The following TRPM3 variants were observed in gnomAD, a reference collection of about 807,000 sequenced individuals.
TRPM3 encodes long transient receptor potential channel 3.
TRPM3 carries 77 observed loss-of-function variants against 181.2 expected under a neutral mutation model. That is an observed-to-expected ratio of 0.42 (90% confidence interval 0.35 to 0.51). The LOEUF (loss-of-function observed/expected upper bound fraction) is 0.51, where lower values mean the gene tolerates loss of function less well. Among genes scored for constraint, TRPM3 ranks in the 20% least tolerant of loss-of-function variants. TRPM3 has a pLI of 0.01. For missense variants in TRPM3, 1,759 were observed against 2,196.7 expected, an observed-to-expected ratio of 0.80 and a Z score of 3.98; for synonymous variants, 745 against 796.4, an observed-to-expected ratio of 0.94 and a Z score of 1.09.
At chr9:71,331,875 A>AGGAGGAGG in intron 1 of TRPM3, among the ~76,000 whole-genome samples, 3 of 36,108 alleles carry the variant, frequency 8.3e-5, no homozygotes, top group African/African-American at 2.2e-4. Flanking sequence ...GAGGAGGAAG[A>AGGAGGAGG]AAGAGGAGGA....
intron 1 of TRPM3, among the ~76,000 whole-genome samples, chr9:71,407,698 C>T (rs1456022599): frequency 6.6e-6 from 1 of 152,158 alleles, no homozygotes; most frequent in Non-Finnish European, 1.5e-5. Flanking sequence ...CTTAAACGTC[C>T]CTGTCTGACA....
At chr9:71,151,934 C>A (rs926580771) in intron 1 of TRPM3, among the ~76,000 whole-genome samples, 2 of 152,096 alleles carry the variant, frequency 1.3e-5, no homozygotes, top group African/African-American at 4.8e-5. Context: ...TATCTGCCAT[C>A]AACAAATGAA....
intron 7 of TRPM3, among the ~76,000 whole-genome samples, chr9:70,763,051 T>C (rs940728924): frequency 6.6e-6 from 1 of 152,114 alleles, no homozygotes; most frequent in South Asian, 2.1e-4. Context: ...TTATGTGAGG[T>C]TCATCTGAAC....
chr9:70,780,776 A>G (rs1330191240), intron 7 of TRPM3, among the ~76,000 whole-genome samples: 1 of 152,212 alleles, frequency 6.6e-6, no homozygotes, highest in Non-Finnish European at 1.5e-5. Flanking sequence ...TATAAAATAC[A>G]AAACTTCTCT....
intron 1 of TRPM3, among the ~76,000 whole-genome samples, chr9:71,313,121 G>T (rs934534125): frequency 6.6e-6 from 1 of 152,160 alleles, no homozygotes; most frequent in African/African-American, 2.4e-5. Context: ...GCAGGTGGTT[G>T]ATAGTCGGGG....
rs576085529 is a variant in TRPM3, at chr9:70,907,714, C to A, written c.178-43203G>T. ...CCCTTCATTCCCTTTCTTTATCCCC[C>A]CTTTTCAGGATCCTCAGTGTCCACT... On this transcript the variant is annotated intron_variant, in intron 1 of 25. Transcript: ENST00000677713. 4.2e-4 allele frequency among the ~76,000 whole-genome samples: 64 copies of A among 152,276 alleles called. 2 individuals carry two copies. Among genetic ancestry groups the A allele is most frequent in the African/African-American group, 1.4e-3 (59 of 41,544 alleles).
rs77802494 is a variant in TRPM3 at position 70,673,729 on chromosome 9, C to T, written c.1345+7777G>A. On this transcript the variant is annotated intron_variant, in intron 9 of 25. Coordinates refer to ENST00000677713, the MANE Select transcript of TRPM3 (RefSeq NM_001366145.2). The stretch of plus-strand genomic sequence containing the variant: ...AGATCACAATGTCAGGAGTTCAAGA[C>T]CAGCGTGGCCAACATAGTGAAACCC... Among the ~76,000 whole-genome samples, 451 of 152,086 alleles carry T rather than the reference C, an allele frequency of 3.0e-3. 2 individuals carry two copies. Among genetic ancestry groups the T allele is most frequent in the African/African-American group, 0.01 (432 of 41,482 alleles).
Position 70,532,364 on chromosome 9 carries a change from TTATATA to T in TRPM3, c.*3583_*3588del, listed in dbSNP as rs1023680513. On this transcript the variant is annotated 3_prime_UTR_variant, in exon 26 of 26. Coordinates refer to ENST00000677713, the MANE Select transcript of TRPM3 (RefSeq NM_001366145.2). ...GTACATTTTTCTCGTTTGATTATTC[TTATATA>T]TATATTTTAAAAGGGGAACTTTCAA... The T allele has an allele frequency of 6.6e-6, 1 of 152,178 alleles. No homozygotes were observed. The highest frequency in any genetic ancestry group is 1.5e-5 in the Non-Finnish European group (1 of 68,026). 9.4% of individuals were successfully genotyped at this position (152,178 alleles called of 1,614,324 possible).
At chr9:71,180,530 C>A (rs1331953858) in intron 1 of TRPM3, among the ~76,000 whole-genome samples, 1 of 152,048 alleles carries the variant, frequency 6.6e-6, no homozygotes, top group Non-Finnish European at 1.5e-5. Context: ...GACATGGGAA[C>A]CCAAAACAAA....
chr9:70,953,788 G>C (rs2097032005), intron 1 of TRPM3, among the ~76,000 whole-genome samples: 1 of 152,134 alleles, frequency 6.6e-6, no homozygotes, highest in Non-Finnish European at 1.5e-5. Flanking sequence ...AGGTAGGCCG[G>C]AAAGACCAAG....
At chr9:71,383,544 C>G (rs941326295) in intron 1 of TRPM3, among the ~76,000 whole-genome samples, 2 of 152,126 alleles carry the variant, frequency 1.3e-5, no homozygotes, top group African/African-American at 2.4e-5. Flanking sequence ...AAGGCAACAG[C>G]CCCTGTCAGG....
intron 5 of TRPM3, among the ~76,000 whole-genome samples, chr9:70,836,391 C>T (rs1007731160): frequency 3.9e-5 from 6 of 152,094 alleles, no homozygotes; most frequent in Non-Finnish European, 5.9e-5. Flanking sequence ...CAACCAAAAC[C>T]TCTAAGAGGT....
chr9:71,392,096 G>C (rs1447191245), intron 1 of TRPM3, among the ~76,000 whole-genome samples: 3 of 152,056 alleles, frequency 2.0e-5, no homozygotes, highest in African/African-American at 7.2e-5. Flanking sequence ...ACTAAAAAGA[G>C]AAAAGCCAAT....
chr9:71,180,608 T>C (rs1341730385), intron 1 of TRPM3, among the ~76,000 whole-genome samples: 3 of 152,152 alleles, frequency 2.0e-5, no homozygotes, highest in Non-Finnish European at 4.4e-5. Flanking sequence ...ATAGCATGGA[T>C]ACACAGTTCC....
intron 1 of TRPM3, among the ~76,000 whole-genome samples, chr9:71,204,036 C>CAAAA (rs1349753028): frequency 6.6e-6 from 1 of 151,906 alleles, no homozygotes; most frequent in East Asian, 1.9e-4. Flanking sequence ...TGGATCCCTT[C>CAAAA]CTTACACCTT....
At chr9:70,565,403 C>T (rs960455588) in intron 22 of TRPM3, among the ~76,000 whole-genome samples, 13 of 152,058 alleles carry the variant, frequency 8.5e-5, no homozygotes, top group African/African-American at 2.7e-4. Flanking sequence ...AAGTGATTCT[C>T]CTGCCTCAGC....
intron 1 of TRPM3, among the ~76,000 whole-genome samples, chr9:71,171,221 T>C (rs182626420): frequency 1.2e-4 from 18 of 152,298 alleles, no homozygotes; most frequent in Admixed American, 3.3e-4. Context: ...GAAACTTCAT[T>C]AGCAATTTTA....
At chr9:70,700,993 C>T (rs1327733684) in intron 8 of TRPM3, among the ~76,000 whole-genome samples, 1 of 152,212 alleles carries the variant, frequency 6.6e-6, no homozygotes, top group African/African-American at 2.4e-5. Flanking sequence ...TTTACCACTT[C>T]AGTCAGATGC....
chr9:71,142,725 T>C (rs1052530595), intron 1 of TRPM3, among the ~76,000 whole-genome samples: 6 of 152,042 alleles, frequency 3.9e-5, no homozygotes, highest in African/African-American at 9.7e-5. Flanking sequence ...ACAAATTATA[T>C]TGAAGTTGTC....
Sources: gnomAD v4.1 joint callset for allele counts (sites outside exome capture counted in the v4.1 genomes callset) on GRCh38, gnomAD v4.1.1 for gene constraint, MANE v1.5 for transcripts, NCBI Gene and HGNC (gene_info 2026-07-23, HGNC 2026-07-21) for gene names.